HHLA1: variants seen among roughly 807,000 people sequenced by gnomAD.
The protein encoded by HHLA1 is HERV-H LTR-associating protein 1.
HHLA1 carries 72 observed loss-of-function variants against 69.9 expected under a neutral mutation model. The observed-to-expected ratio is 1.03, with a 90% CI of 0.85 to 1.25. The LOEUF (loss-of-function observed/expected upper bound fraction) is 1.25. Among genes scored for constraint, HHLA1 ranks in the 50% most tolerant of loss-of-function variants. The probability of loss-of-function intolerance (pLI) is 0.00; values close to 1 mark genes in which losing one functional copy is unlikely to be tolerated. For missense variants in HHLA1, 685 were observed against 642.2 expected (o/e 1.07, Z -0.72); for synonymous variants, 252 against 233.2 (o/e 1.08, Z -0.73).
At chr8:132,105,979 A>G (rs1180158361) in intron 1 of HHLA1, among the ~76,000 whole-genome samples, 2 of 152,202 alleles carry the variant, frequency 1.3e-5, no homozygotes, top group Non-Finnish European at 2.9e-5. Context: ...CATGATAGTT[A>G]CAGTTGCAAA....
At chr8:132,072,425 AATT>A (rs1037965625) in intron 14 of HHLA1, among the ~76,000 whole-genome samples, 80 of 152,148 alleles carry the variant, frequency 5.3e-4, no homozygotes, top group African/African-American at 1.9e-3. Flanking sequence ...AAATAATAGC[AATT>A]ATTATTATTA....
At chr8:132,091,387 T>C (rs1295369672) in intron 7 of HHLA1, among the ~76,000 whole-genome samples, 1 of 152,186 alleles carries the variant, frequency 6.6e-6, no homozygotes, top group Admixed American at 6.5e-5. Context: ...ATGTAACTTG[T>C]CCAAAGTTCC....
At position 132,087,812 on chromosome 8, in the gene HHLA1, A is replaced by C. The variant is rs1233978566; in HGVS notation, c.589+33T>G. 4.5e-6 allele frequency: 7 copies of C among 1,547,558 alleles called. No homozygotes were observed. The Admixed American group carries it at 1.4e-4, about 30-fold the overall frequency. On this transcript the variant is annotated intron_variant, in intron 9 of 16. Coordinates refer to ENST00000414222, the MANE Select transcript of HHLA1 (RefSeq NM_001145095.3). ...GACAGTTTTGTCTATTTCTCAGCCC[A>C]GAGAGCTTGTCAAAGAATGTCTAGT...
intron 1 of HHLA1, among the ~76,000 whole-genome samples, chr8:132,107,769 T>C (rs184988848): frequency 1.3e-5 from 2 of 152,348 alleles, no homozygotes; most frequent in East Asian, 3.9e-4. Context: ...CAGGACACCA[T>C]TTGAATTTGA....
chr8:132,094,741 A>G (rs927083335), intron 7 of HHLA1, among the ~76,000 whole-genome samples: 1 of 151,564 alleles, frequency 6.6e-6, no homozygotes, highest in Non-Finnish European at 1.5e-5. Context: ...ACATTTATTT[A>G]CTCCCTGCTC....
rs1316026440 is a variant in HHLA1 at position 132,063,247 on chromosome 8, A to T, written c.*748T>A. On this transcript the variant is annotated 3_prime_UTR_variant, in exon 17 of 17. Coordinates refer to ENST00000414222, the MANE Select transcript of HHLA1 (RefSeq NM_001145095.3). The stretch of plus-strand genomic sequence containing the variant: ...CTTTTCATCTGCATCCTTTTGTTGT[A>T]ATAAATGCTAAATGTGCATATAACA... The T allele has an allele frequency of 6.6e-6, 1 of 152,258 alleles. No individual in the cohort carries two copies. The highest frequency in any genetic ancestry group is 1.9e-4 in the East Asian group (1 of 5,200). The allele number at this position is 152,258 out of a possible 1,614,324, so 9.4% of individuals were successfully genotyped here. A position where few individuals can be genotyped will look rare whatever the true frequency, so the allele number is the denominator to read the frequency against.
chr8:132,074,970 C>CAGATAT (rs1170877140), intron 14 of HHLA1, among the ~76,000 whole-genome samples: 3 of 152,076 alleles, frequency 2.0e-5, no homozygotes, highest in African/African-American at 7.3e-5. Context: ...GATATAGATA[C>CAGATAT]AGATATAGAT....
At chr8:132,103,557 G>T (rs1006267792) in intron 3 of HHLA1, among the ~76,000 whole-genome samples, 1 of 152,264 alleles carries the variant, frequency 6.6e-6, no homozygotes, top group East Asian at 1.9e-4. Context: ...GGTGGAGGTT[G>T]CAGTGAGTTG....
chr8:132,099,010 G>A (rs1051515881), intron 4 of HHLA1, 48 bp from the exon 5 acceptor site: 3 of 1,358,952 alleles, frequency 2.2e-6, no homozygotes, highest in African/African-American at 3.0e-5. Flanking sequence ...TTCTCGGCAA[G>A]AGAAAAAGTT....
At position 132,063,010 on chromosome 8, in the gene HHLA1, G is replaced by A. The variant is rs1485300903; in HGVS notation, c.*985C>T. 1 of 152,146 alleles carries A rather than the reference G, an allele frequency of 6.6e-6. No individual in the cohort carries two copies. The highest frequency in any genetic ancestry group is 1.9e-4 in the East Asian group (1 of 5,194). 9.4% of individuals were successfully genotyped at this position (152,146 alleles called of 1,614,324 possible). On this transcript the variant is annotated 3_prime_UTR_variant, in exon 17 of 17. Transcript: ENST00000414222. The stretch of plus-strand genomic sequence containing the variant: ...ACTGGAGACTGAATAACTAAGTTTA[G>A]CCATGCAGGCCATGAAGGCACTCCA...
intron 10 of HHLA1, among the ~76,000 whole-genome samples, chr8:132,086,199 A>G (rs1237604235): frequency 6.6e-6 from 1 of 152,184 alleles, no homozygotes; most frequent in Admixed American, 6.5e-5. Flanking sequence ...GGGAAGGCTC[A>G]AGAGGTGGCA....
intron 3 of HHLA1, chr8:132,101,196 A>G (rs1319143144): frequency 2.6e-6 from 4 of 1,549,636 alleles, no homozygotes; most frequent in South Asian, 1.2e-5. Context: ...TGTGCCCTGC[A>G]TTACAGAGTA....
chr8:132,078,710 A>G (rs1210630780), intron 11 of HHLA1, among the ~76,000 whole-genome samples: 1 of 152,136 alleles, frequency 6.6e-6, no homozygotes, highest in Non-Finnish European at 1.5e-5. Flanking sequence ...GCTCTCTCCT[A>G]GGTCTGAGAG....
chr8:132,078,045 A>G, intron 11 of HHLA1, 74 bp from the exon 12 acceptor site: 1 of 1,495,068 alleles, frequency 6.7e-7, no homozygotes, highest in Non-Finnish European at 9.1e-7. Context: ...AATTGCTGAG[A>G]CATTGAAACG....
intron 10 of HHLA1, among the ~76,000 whole-genome samples, chr8:132,081,591 T>A (rs1823753634): frequency 6.6e-6 from 1 of 152,078 alleles, no homozygotes; most frequent in Non-Finnish European, 1.5e-5. Flanking sequence ...TGGGAAGGCT[T>A]AACTGAGGAA....
chr8:132,104,159 T>C lies in HHLA1; in HGVS notation c.88A>G (p.Ile30Val). Residue 30 changes from isoleucine (I) to valine (V), a missense_variant, in exon 3 of 17, where the codon ATC (isoleucine) becomes GTC (valine). Transcript: ENST00000414222. ...TTCTCTTTCTTGGCTTCTCCTTTGATGCCAGACACTAAAGTAAAAAAGGTT... is the reference window on the plus strand; with the variant it reads ...TTCTCTTTCTTGGCTTCTCCTTTGACGCCAGACACTAAAGTAAAAAAGGTT... ...VLSLWNTVSGIKGEAKKEKGM... is the reference protein window; with the variant it reads ...VLSLWNTVSGVKGEAKKEKGM... 1 of 1,549,474 alleles carries C rather than the reference T, an allele frequency of 6.5e-7. No homozygotes were observed. Among genetic ancestry groups the C allele is most frequent in the African/African-American group, 1.4e-5 (1 of 73,134 alleles).
At chr8:132,065,228 G>A (rs914880778) in intron 16 of HHLA1, among the ~76,000 whole-genome samples, 1 of 152,160 alleles carries the variant, frequency 6.6e-6, no homozygotes, top group Non-Finnish European at 1.5e-5. Context: ...GTACTTCACG[G>A]TGCCTTCTTT....
At chr8:132,108,220 C>T (rs6992214) in intron 1 of HHLA1, among the ~76,000 whole-genome samples, 15,163 of 152,174 alleles carry the variant, frequency 0.1, 872 homozygotes, top group East Asian at 0.28. Flanking sequence ...TAGACTGTAG[C>T]GGACAGTGTC....
chr8:132,097,426 A>T (rs540300706), intron 5 of HHLA1, among the ~76,000 whole-genome samples: 1 of 152,322 alleles, frequency 6.6e-6, no homozygotes, highest in East Asian at 1.9e-4. Context: ...TCTATGTGGC[A>T]ATGGGCACGC....
Sources: allele counts gnomAD v4.1 joint callset (sites outside exome capture counted in the v4.1 genomes callset), GRCh38; gene constraint gnomAD v4.1.1; transcripts MANE v1.5; gene names NCBI Gene and HGNC (gene_info 2026-07-23, HGNC 2026-07-21).